EPHA5: variants seen among roughly 807,000 people sequenced by gnomAD.
EPHA5 encodes EPH receptor A5.
A neutral mutation model predicts 105.0 loss-of-function variants in EPHA5; 60 were observed. That is an observed-to-expected ratio of 0.57 (90% CI 0.46 to 0.71). EPHA5 has a LOEUF of 0.71. EPHA5 is among the 30% of genes least tolerant of loss of function. The pLI, the probability that EPHA5 is intolerant of heterozygous loss-of-function variation, is 0.00. For missense variants in EPHA5, 1,218 were observed against 1,274.7 expected (o/e 0.96, Z 0.68); for synonymous variants, 513 against 449.1 (o/e 1.14, Z -1.80).
intron 3 of EPHA5, among the ~76,000 whole-genome samples, chr4:65,551,036 T>G (rs1452562153): frequency 6.6e-6 from 1 of 151,916 alleles, no homozygotes; most frequent in Non-Finnish European, 1.5e-5. Flanking sequence ...ATATGTCTAT[T>G]TACACATATA....
chr4:65,622,713 T>C (rs564997180), intron 2 of EPHA5, among the ~76,000 whole-genome samples: 1 of 152,234 alleles, frequency 6.6e-6, no homozygotes, highest in Admixed American at 6.5e-5. Flanking sequence ...TTGAATTTTG[T>C]TTTTAAATCA....
At chr4:65,388,526 G>A (rs1403868114) in intron 8 of EPHA5, among the ~76,000 whole-genome samples, 2 of 151,750 alleles carry the variant, frequency 1.3e-5, no homozygotes, top group African/African-American at 4.8e-5. Flanking sequence ...GTTGTGAGAT[G>A]GTATCTCATT....
intron 4 of EPHA5, among the ~76,000 whole-genome samples, chr4:65,494,556 C>A (rs1476277538): frequency 1.3e-5 from 2 of 152,110 alleles, no homozygotes; most frequent in Non-Finnish European, 2.9e-5. Context: ...CAAACAAATG[C>A]ACAAATGTGT....
chr4:65,383,020 T>C (rs1719714884), intron 8 of EPHA5, among the ~76,000 whole-genome samples: 1 of 149,540 alleles, frequency 6.7e-6, no homozygotes, highest in Non-Finnish European at 1.5e-5. Context: ...AGAGATTATA[T>C]ATAATTAAAC....
At chr4:65,400,414 C>A (rs1272317003) in intron 8 of EPHA5, among the ~76,000 whole-genome samples, 1 of 152,096 alleles carries the variant, frequency 6.6e-6, no homozygotes, top group Non-Finnish European at 1.5e-5. Context: ...AGAGTCTGAA[C>A]CCTGCAGAAA....
At chr4:65,507,737 G>A (rs1465967074) in intron 3 of EPHA5, among the ~76,000 whole-genome samples, 3 of 152,124 alleles carry the variant, frequency 2.0e-5, no homozygotes, top group Non-Finnish European at 4.4e-5. Context: ...GACTGCTGAA[G>A]TTGCTTATCA....
intron 1 of EPHA5, among the ~76,000 whole-genome samples, chr4:65,661,758 C>A (rs1749578324): frequency 6.6e-6 from 1 of 152,144 alleles, no homozygotes; most frequent in Non-Finnish European, 1.5e-5. Context: ...CCAGCCGGAT[C>A]TGCCTACTGA....
intron 3 of EPHA5, among the ~76,000 whole-genome samples, chr4:65,587,275 T>C (rs1032914212): frequency 3.9e-5 from 6 of 152,116 alleles, no homozygotes; most frequent in African/African-American, 1.4e-4. Flanking sequence ...ATCAGAATCC[T>C]GACAATGTCT....
chr4:65,451,017 GA>G (rs1001528464), intron 5 of EPHA5, among the ~76,000 whole-genome samples: 251 of 152,186 alleles, frequency 1.6e-3, no homozygotes, highest in African/African-American at 5.6e-3. Flanking sequence ...ACTTGAACAG[GA>G]AAACCTTATT....
At chr4:65,610,871 G>A (rs898433693) in intron 2 of EPHA5, among the ~76,000 whole-genome samples, 2 of 152,074 alleles carry the variant, frequency 1.3e-5, no homozygotes, top group African/African-American at 2.4e-5. Context: ...ACTGTATATG[G>A]AGACACCTTC....
rs1750355546 is a variant in EPHA5 at position 65,670,386 on chromosome 4, C to CGGCCCAGGAGCTGCTGCGGT, written c.-664_-645dup. 4.3e-6 allele frequency: 1 copy of CGGCCCAGGAGCTGCTGCGGT among 233,624 alleles called. No individual in the cohort carries two copies. Among genetic ancestry groups the CGGCCCAGGAGCTGCTGCGGT allele is most frequent in the Non-Finnish European group, 8.4e-6 (1 of 118,494 alleles). The allele number at this position is 233,624 out of a possible 1,614,324, so 14.5% of individuals were successfully genotyped here. A position where few individuals can be genotyped will look rare whatever the true frequency, so the allele number is the denominator to read the frequency against. ...GTAGGAGCGCGGAGCTGCGCTGCGG[C>CGGCCCAGGAGCTGCTGCGGT]GGCCCAGGAGCTGCTGCGGTTCCCG... On this transcript the variant is annotated 5_prime_UTR_variant, in exon 1 of 17. Coordinates refer to ENST00000613740, the MANE Select transcript of EPHA5 (RefSeq NM_001281766.3).
intron 5 of EPHA5, among the ~76,000 whole-genome samples, chr4:65,482,858 AT>A (rs983687242): frequency 2.5e-4 from 4 of 15,738 alleles, no homozygotes; most frequent in Non-Finnish European, 7.9e-4. Flanking sequence ...TTTTTAGAGG[AT>A]CTTTTTTTTT....
intron 3 of EPHA5, among the ~76,000 whole-genome samples, chr4:65,519,799 C>A (rs534030236): frequency 2.7e-3 from 407 of 151,898 alleles, no homozygotes; most frequent in African/African-American, 9.2e-3. Flanking sequence ...AGAATAAAAT[C>A]CCTAGGAATC....
At chr4:65,557,635 T>C (rs1738588852) in intron 3 of EPHA5, among the ~76,000 whole-genome samples, 1 of 151,688 alleles carries the variant, frequency 6.6e-6, no homozygotes, top group African/African-American at 2.4e-5. Context: ...CCTGGGAAAT[T>C]TGTAAAAAGT....
At chr4:65,616,712 AG>A (rs1244811367) in intron 2 of EPHA5, among the ~76,000 whole-genome samples, 19 of 152,056 alleles carry the variant, frequency 1.2e-4, no homozygotes, top group Non-Finnish European at 2.2e-4. Context: ...ATTCTTTCAA[AG>A]GCACATTCAT....
chr4:65,630,775 A>T (rs1046280114), intron 2 of EPHA5, among the ~76,000 whole-genome samples: 3 of 152,186 alleles, frequency 2.0e-5, no homozygotes, highest in Non-Finnish European at 4.4e-5. Flanking sequence ...GGAACCAGAG[A>T]GAGAAAGCAA....
At chr4:65,341,088 T>C (rs1357606303) in intron 14 of EPHA5, among the ~76,000 whole-genome samples, 1 of 152,102 alleles carries the variant, frequency 6.6e-6, no homozygotes, top group Non-Finnish European at 1.5e-5. Context: ...AGAAAAATTT[T>C]CCTCAATATC....
intron 3 of EPHA5, among the ~76,000 whole-genome samples, chr4:65,530,304 T>G (rs1207381933): frequency 1.3e-5 from 2 of 152,136 alleles, no homozygotes; most frequent in African/African-American, 4.8e-5. Flanking sequence ...TATGAGCAGT[T>G]GATTCTGAAA....
chr4:65,504,221 T>C (rs1000852011), intron 3 of EPHA5, among the ~76,000 whole-genome samples: 2 of 151,340 alleles, frequency 1.3e-5, no homozygotes, highest in African/African-American at 4.8e-5. Flanking sequence ...TATTACCTCA[T>C]TTAGTATTCC....
Sources: gnomAD v4.1 joint callset for allele counts (sites outside exome capture counted in the v4.1 genomes callset) on GRCh38, gnomAD v4.1.1 for gene constraint, MANE v1.5 for transcripts, NCBI Gene and HGNC (gene_info 2026-07-23, HGNC 2026-07-21) for gene names.